Variants in CCDC12 observed in about 807,000 individuals in gnomAD.
CCDC12 encodes the protein coiled-coil domain-containing protein 12.
In CCDC12, 28 loss-of-function variants were observed where a neutral mutation model predicts 25.7. That is an observed-to-expected ratio of 1.09 (90% CI 0.81 to 1.50). CCDC12 has a LOEUF of 1.50. Ranked by LOEUF, CCDC12 falls within the 40% of genes most tolerant of loss-of-function variation. The probability of loss-of-function intolerance (pLI) is 0.00; values close to 1 mark genes in which losing one functional copy is unlikely to be tolerated. For missense variants in CCDC12, 198 were observed against 210.0 expected (o/e 0.94, Z 0.35); for synonymous variants, 75 against 87.7 (o/e 0.86, Z 0.81).
At chr3:46,952,645 C>T (rs2034163594) in intron 1 of CCDC12, among the ~76,000 whole-genome samples, 1 of 152,168 alleles carries the variant, frequency 6.6e-6, no homozygotes, top group South Asian at 2.1e-4. Flanking sequence ...CAGTGCCGAA[C>T]CCAAATGTCA....
At chr3:46,951,960 C>T (rs1340834832) in intron 1 of CCDC12, among the ~76,000 whole-genome samples, 6 of 150,670 alleles carry the variant, frequency 4.0e-5, no homozygotes, top group Admixed American at 2.7e-4. Context: ...GACCCCACCA[C>T]AAAACTCGGT....
intron 2 of CCDC12, among the ~76,000 whole-genome samples, chr3:46,935,926 G>GA (rs1270879670): frequency 1.3e-5 from 2 of 152,200 alleles, no homozygotes; most frequent in African/African-American, 2.4e-5. Flanking sequence ...TTTTCTAATA[G>GA]ATATTAACAA....
At chr3:46,969,060 A>G (rs1174633695) in intron 1 of CCDC12, among the ~76,000 whole-genome samples, 1 of 152,186 alleles carries the variant, frequency 6.6e-6, no homozygotes, top group Non-Finnish European at 1.5e-5. Flanking sequence ...ATGTGGCCAC[A>G]TGGGATGTAG....
At chr3:46,952,549 T>A (rs894824043) in intron 1 of CCDC12, among the ~76,000 whole-genome samples, 4 of 152,122 alleles carry the variant, frequency 2.6e-5, no homozygotes, top group Admixed American at 2.6e-4. Context: ...AAGACAAAAA[T>A]CCCAACCCTG....
At chr3:46,957,249 G>A (rs774699391) in intron 1 of CCDC12, among the ~76,000 whole-genome samples, 6 of 152,164 alleles carry the variant, frequency 3.9e-5, no homozygotes, top group African/African-American at 7.2e-5. Context: ...AATAAGATTT[G>A]ATTCAAGATT....
chr3:46,939,455 A>G (rs1384726666), intron 2 of CCDC12, among the ~76,000 whole-genome samples: 2 of 152,264 alleles, frequency 1.3e-5, no homozygotes, highest in Middle Eastern at 3.4e-3. Flanking sequence ...TGAGAAACTA[A>G]GAATAAACCA....
At chr3:46,944,373 A>G (rs1466273) in intron 1 of CCDC12, among the ~76,000 whole-genome samples, 144,021 of 152,126 alleles carry the variant, frequency 0.95, 68,721 homozygotes, top group East Asian at 1. Flanking sequence ...CTCCCCACAC[A>G]GTTCAGACCT....
intron 1 of CCDC12, among the ~76,000 whole-genome samples, chr3:46,956,611 C>G (rs1198655594): frequency 6.6e-6 from 1 of 152,136 alleles, no homozygotes; most frequent in Non-Finnish European, 1.5e-5. Context: ...TCCTTGAGCC[C>G]AGGAGTTCAA....
intron 1 of CCDC12, among the ~76,000 whole-genome samples, chr3:46,974,523 T>C (rs2034906527): frequency 6.6e-6 from 1 of 151,972 alleles, no homozygotes; most frequent in South Asian, 2.1e-4. Context: ...CTAGCCATTG[T>C]TTGAAAGGCT....
intron 1 of CCDC12, among the ~76,000 whole-genome samples, chr3:46,955,365 CA>C (rs928746438): frequency 6.6e-6 from 1 of 152,128 alleles, no homozygotes; most frequent in African/African-American, 2.4e-5. Flanking sequence ...TCAGGGAAGT[CA>C]GGGGCAGGGA....
chr3:46,954,786 T>C (rs1045668835), intron 1 of CCDC12, among the ~76,000 whole-genome samples: 1 of 152,074 alleles, frequency 6.6e-6, no homozygotes, highest in Non-Finnish European at 1.5e-5. Context: ...TAGCTGGGCA[T>C]GGTGGCGGGC....
chr3:46,970,952 T>G (rs1180765626), intron 1 of CCDC12, among the ~76,000 whole-genome samples: 1 of 152,092 alleles, frequency 6.6e-6, no homozygotes, highest in Non-Finnish European at 1.5e-5. Flanking sequence ...CTGGCTACCA[T>G]CCCTGCTGGA....
intron 1 of CCDC12, among the ~76,000 whole-genome samples, chr3:46,956,402 T>C (rs2034288514): frequency 6.6e-6 from 1 of 152,162 alleles, no homozygotes; most frequent in African/African-American, 2.4e-5. Flanking sequence ...TGCCTCCTCT[T>C]CAAGAGGCTG....
chr3:46,974,959 G>A (rs938728195), intron 1 of CCDC12, among the ~76,000 whole-genome samples: 2 of 152,228 alleles, frequency 1.3e-5, no homozygotes, highest in South Asian at 4.1e-4. Flanking sequence ...TCAGAGAGAT[G>A]AAGCAATGTG....
intron 1 of CCDC12, among the ~76,000 whole-genome samples, chr3:46,948,084 C>G (rs973651309): frequency 9.2e-5 from 14 of 152,208 alleles, no homozygotes; most frequent in African/African-American, 3.4e-4. Flanking sequence ...TGCCCATCAT[C>G]CTTATCAGAT....
intron 1 of CCDC12, among the ~76,000 whole-genome samples, chr3:46,943,991 C>T (rs546860505): frequency 1.8e-4 from 28 of 152,290 alleles, no homozygotes; most frequent in African/African-American, 2.4e-4. Flanking sequence ...GAAGGAAAAT[C>T]GCTTTTGGTG....
chr3:46,938,846 C>T (rs1433741879), intron 2 of CCDC12, among the ~76,000 whole-genome samples: 1 of 151,446 alleles, frequency 6.6e-6, no homozygotes, highest in African/African-American at 2.4e-5. Flanking sequence ...AGCGAGACCC[C>T]ATCTCAAAAA....
chr3:46,931,818 C>G (rs2033230048), intron 2 of CCDC12, among the ~76,000 whole-genome samples: 1 of 152,200 alleles, frequency 6.6e-6, no homozygotes, highest in Non-Finnish European at 1.5e-5. Context: ...GCAGAGGCCA[C>G]CACTGACCAG....
upstream of CCDC12, chr3:46,977,155 C>T (rs1466303802): frequency 5.9e-6 from 1 of 170,888 alleles, no homozygotes; most frequent in Non-Finnish European, 1.3e-5. Context: ...GTCCACTTGA[C>T]CTGACAAGGC....
Sources: gnomAD v4.1 joint callset for allele counts (sites outside exome capture counted in the v4.1 genomes callset) on GRCh38, gnomAD v4.1.1 for gene constraint, MANE v1.5 for transcripts, NCBI Gene and HGNC (gene_info 2026-07-23, HGNC 2026-07-21) for gene names.